PTPRD: variants seen among roughly 807,000 people sequenced by gnomAD.
PTPRD encodes the protein protein tyrosine phosphatase receptor type D.
In PTPRD, 34 loss-of-function variants were observed where a neutral mutation model predicts 214.5. The ratio of observed to expected loss-of-function variants is 0.16; its 90% CI spans 0.12 to 0.21. The LOEUF is 0.21. Ranked by LOEUF, PTPRD falls within the 10% of genes least tolerant of loss-of-function variation. The pLI, the probability that PTPRD is intolerant of heterozygous loss-of-function variation, is 1.00. For missense variants in PTPRD, 2,545 were observed against 2,398.7 expected (o/e 1.06, Z -1.27); for synonymous variants, 1,128 against 845.7 (o/e 1.33, Z -5.79).
chr9:9,481,411 A>G (rs2095409404), intron 8 of PTPRD, among the ~76,000 whole-genome samples: 1 of 152,138 alleles, frequency 6.6e-6, no homozygotes, highest in Non-Finnish European at 1.5e-5. Flanking sequence ...TTTGAAGATA[A>G]TATGTCAAAA....
intron 11 of PTPRD, among the ~76,000 whole-genome samples, chr9:8,819,349 T>C (rs1322725889): frequency 2.6e-5 from 4 of 152,106 alleles, no homozygotes; most frequent in Non-Finnish European, 5.9e-5. Flanking sequence ...TATTTTATTT[T>C]ATTATATTTC....
intron 11 of PTPRD, among the ~76,000 whole-genome samples, chr9:8,914,556 G>GTTCC (rs2098771429): frequency 6.6e-6 from 1 of 152,064 alleles, no homozygotes; most frequent in Non-Finnish European, 1.5e-5. Flanking sequence ...CCTGAAGCAA[G>GTTCC]CTGTAATGAT....
At chr9:8,376,225 A>T in intron 38 of PTPRD, 135 bp from the exon 39 acceptor site, 5 of 1,042,698 alleles carry the variant, frequency 4.8e-6, no homozygotes, top group Non-Finnish European at 6.8e-6. Flanking sequence ...GGGAAGACAC[A>T]CTCTTTGGAA....
chr9:10,157,550 T>C (rs1041925195), intron 3 of PTPRD, among the ~76,000 whole-genome samples: 1 of 152,170 alleles, frequency 6.6e-6, no homozygotes, highest in Non-Finnish European at 1.5e-5. Context: ...CTTTCTCTCT[T>C]ACTGCCTTTA....
chr9:10,127,630 C>A (rs1270908554), intron 3 of PTPRD, among the ~76,000 whole-genome samples: 1 of 152,044 alleles, frequency 6.6e-6, no homozygotes, highest in Non-Finnish European at 1.5e-5. Flanking sequence ...CATATTGTTT[C>A]TTATCCTTCT....
At chr9:10,346,910 G>T (rs535297560) in intron 2 of PTPRD, among the ~76,000 whole-genome samples, 3 of 152,112 alleles carry the variant, frequency 2.0e-5, no homozygotes, top group Non-Finnish European at 4.4e-5. Context: ...TTATCAATTT[G>T]TTAGAAATCT....
At chr9:9,902,550 T>G (rs1266777083) in intron 5 of PTPRD, among the ~76,000 whole-genome samples, 1 of 152,156 alleles carries the variant, frequency 6.6e-6, no homozygotes, top group Non-Finnish European at 1.5e-5. Context: ...AAAACCTCAA[T>G]TTTATATTTA....
chr9:10,214,096 T>C (rs1487618713), intron 3 of PTPRD, among the ~76,000 whole-genome samples: 1 of 152,144 alleles, frequency 6.6e-6, no homozygotes, highest in African/African-American at 2.4e-5. Context: ...CGTGAATTCT[T>C]ATGTTTAAAT....
At chr9:9,406,380 G>T (rs2073363091) in intron 8 of PTPRD, among the ~76,000 whole-genome samples, 1 of 151,866 alleles carries the variant, frequency 6.6e-6, no homozygotes, top group Non-Finnish European at 1.5e-5. Context: ...TAAATAAACA[G>T]AAAGAATTAA....
chr9:10,019,563 G>A (rs1287227458), intron 4 of PTPRD, among the ~76,000 whole-genome samples: 1 of 152,152 alleles, frequency 6.6e-6, no homozygotes, highest in Non-Finnish European at 1.5e-5. Flanking sequence ...TTAAGAAAAT[G>A]TGGCACATAT....
intron 9 of PTPRD, among the ~76,000 whole-genome samples, chr9:9,301,814 A>G (rs1412868): frequency 0.87 from 131,537 of 151,840 alleles, 57,304 homozygotes; most frequent in East Asian, 1. Context: ...TGCATTCATA[A>G]GAGATATGTC....
chr9:10,561,592 G>T (rs950493643), intron 2 of PTPRD, among the ~76,000 whole-genome samples: 7 of 152,028 alleles, frequency 4.6e-5, no homozygotes, highest in Non-Finnish European at 1.5e-5. Context: ...TATAACCCAG[G>T]AATAAAACCC....
intron 9 of PTPRD, among the ~76,000 whole-genome samples, chr9:9,298,857 T>C (rs935535763): frequency 1.3e-5 from 2 of 151,834 alleles, no homozygotes; most frequent in East Asian, 3.9e-4. Flanking sequence ...AATATGATTA[T>C]ACCACAAGGC....
chr9:8,410,300 G>A (rs962182157), intron 35 of PTPRD, among the ~76,000 whole-genome samples: 4 of 152,206 alleles, frequency 2.6e-5, no homozygotes, highest in Non-Finnish European at 2.9e-5. Flanking sequence ...GGAGTGGAAA[G>A]TCCAGTGGTG....
At chr9:8,547,535 C>A (rs2080564659) in intron 14 of PTPRD, among the ~76,000 whole-genome samples, 2 of 151,348 alleles carry the variant, frequency 1.3e-5, no homozygotes, top group Admixed American at 1.3e-4. Flanking sequence ...ACCAGCTACT[C>A]TCGGGGCTGA....
intron 11 of PTPRD, among the ~76,000 whole-genome samples, chr9:8,765,038 G>A (rs964478759): frequency 6.6e-6 from 1 of 152,048 alleles, no homozygotes; most frequent in Non-Finnish European, 1.5e-5. Flanking sequence ...TATTTCAGTT[G>A]TGTGATTATG....
At chr9:9,355,305 A>C (rs767101507) in intron 9 of PTPRD, among the ~76,000 whole-genome samples, 1 of 151,722 alleles carries the variant, frequency 6.6e-6, no homozygotes, top group East Asian at 1.9e-4. Flanking sequence ...CAATGGTAGA[A>C]GCATGGAGAT....
At chr9:10,025,494 C>A (rs1173090983) in intron 4 of PTPRD, among the ~76,000 whole-genome samples, 1 of 152,012 alleles carries the variant, frequency 6.6e-6, no homozygotes, top group South Asian at 2.1e-4. Context: ...CATTAGACAG[C>A]CAGATTTAAG....
chr9:8,738,463 C>G (rs1278167772), intron 11 of PTPRD, among the ~76,000 whole-genome samples: 3 of 151,728 alleles, frequency 2.0e-5, no homozygotes, highest in African/African-American at 7.3e-5. Flanking sequence ...TAGAAAATGG[C>G]AGATTATAGG....
Sources: gnomAD v4.1 joint callset for allele counts (sites outside exome capture counted in the v4.1 genomes callset) on GRCh38, gnomAD v4.1.1 for gene constraint, MANE v1.5 for transcripts, NCBI Gene and HGNC (gene_info 2026-07-23, HGNC 2026-07-21) for gene names.